Variants in PKD2L2 observed in about 807,000 individuals in gnomAD.
PKD2L2 encodes polycystin-2-like protein 2.
In PKD2L2, 67 loss-of-function variants were observed where a neutral mutation model predicts 83.9. That is an observed-to-expected ratio of 0.80 (90% CI 0.66 to 0.98). PKD2L2 has a LOEUF of 0.98. Among genes scored for constraint, PKD2L2 ranks in the 50% least tolerant of loss-of-function variants. PKD2L2 has a pLI of 0.00. For missense variants in PKD2L2, 632 were observed against 717.2 expected, an observed-to-expected ratio of 0.88 and a Z score of 1.36; for synonymous variants, 223 against 237.8, an observed-to-expected ratio of 0.94 and a Z score of 0.57.
At chr5:137,923,568 A>T in intron 10 of PKD2L2, 47 bp downstream of exon 10, 1 of 878,084 alleles carries the variant, frequency 1.1e-6, no homozygotes, top group Non-Finnish European at 2.0e-6. Context: ...CAAACCTCAT[A>T]TAGTTTATCC....
chr5:137,915,339 A>G (rs1375361958), intron 8 of PKD2L2, among the ~76,000 whole-genome samples: 2 of 152,192 alleles, frequency 1.3e-5, no homozygotes, highest in African/African-American at 4.8e-5. Flanking sequence ...AAATGTTTGT[A>G]GAATTTACCA....
rs544499625 is a variant in PKD2L2, at chr5:137,889,755, CGT to C, written c.31+234_31+235del. Among the ~76,000 whole-genome samples the C allele has an allele frequency of 6.3e-3, 958 of 152,306 alleles. 9 individuals carry two copies. Among genetic ancestry groups the C allele is most frequent in the Middle Eastern group, 0.017 (5 of 294 alleles). ...CCTCTTGCCGGAGGCTCGAGCTGGG[CGT>C]TGTCACCTGTCGAGTGACCGTCGCT... On this transcript the variant is annotated intron_variant, in intron 1 of 14. Transcript: ENST00000508883.
intron 8 of PKD2L2, among the ~76,000 whole-genome samples, chr5:137,913,869 T>C (rs2150031303): frequency 6.7e-6 from 1 of 149,904 alleles, no homozygotes; most frequent in Admixed American, 6.7e-5. Flanking sequence ...TTTTTTCTTT[T>C]CCTTTTTTTT....
Position 137,935,846 on chromosome 5 carries a change from A to G in PKD2L2, c.1721A>G (p.Lys574Arg), listed in dbSNP as rs780212279. Residue 574 changes from lysine (K) to arginine (R), a missense_variant, in exon 13 of 15, where the codon AAA (lysine) becomes AGA (arginine). Around this residue, in one of 3 missense-constraint regions of PKD2L2, gnomAD observed 399 missense variants for 416.9 expected, o/e 0.96. Transcript: ENST00000508883. Reference protein sequence around the residue: ...QMKKWKERLEKKYYSMEIQDD... With the variant: ...QMKKWKERLERKYYSMEIQDD... ...AAAAAATGGAAAGAGAGGCTTGAGA[A>G]AAAGTATTATTCTATGGAAATTCAA... 44 of 1,612,312 alleles carry G rather than the reference A, an allele frequency of 2.7e-5. No homozygotes were observed. Among genetic ancestry groups the G allele is most frequent in the Non-Finnish European group, 3.5e-5 (41 of 1,178,376 alleles).
At chr5:137,909,611 C>T (rs1052576989) in intron 8 of PKD2L2, among the ~76,000 whole-genome samples, 4 of 146,076 alleles carry the variant, frequency 2.7e-5, no homozygotes, top group African/African-American at 1.0e-4. Context: ...CTGGCGTTAT[C>T]ACAGCTCATT....
chr5:137,907,668 G>T (rs1019836992), intron 6 of PKD2L2, 74 bp from the exon 7 acceptor site: 1 of 848,488 alleles, frequency 1.2e-6, no homozygotes. Context: ...CTTTTTTTGT[G>T]TTTCCTCATA....
At chr5:137,911,571 T>C (rs961462529) in intron 8 of PKD2L2, among the ~76,000 whole-genome samples, 2 of 152,210 alleles carry the variant, frequency 1.3e-5, no homozygotes, top group African/African-American at 2.4e-5. Flanking sequence ...ATTTATGCTA[T>C]ATGGTGTGAT....
intron 8 of PKD2L2, among the ~76,000 whole-genome samples, chr5:137,919,606 T>C (rs1257656859): frequency 6.6e-6 from 1 of 152,056 alleles, no homozygotes; most frequent in East Asian, 1.9e-4. Flanking sequence ...AAATATTTGA[T>C]TTGTGGTGAG....
intron 8 of PKD2L2, among the ~76,000 whole-genome samples, chr5:137,912,644 G>A (rs1394308511): frequency 6.6e-6 from 1 of 152,042 alleles, no homozygotes; most frequent in Non-Finnish European, 1.5e-5. Context: ...TGGGATTACA[G>A]GTGTGAGCCA....
intron 14 of PKD2L2, 45 bp downstream of exon 14, chr5:137,936,472 TTG>T: frequency 6.7e-7 from 1 of 1,484,448 alleles, no homozygotes; most frequent in East Asian, 2.5e-5. Context: ...TTTTTTTTTT[TTG>T]AGACGGAGTC....
At chr5:137,904,587 G>A (rs1485563699) in intron 5 of PKD2L2, among the ~76,000 whole-genome samples, 2 of 152,088 alleles carry the variant, frequency 1.3e-5, no homozygotes, top group Non-Finnish European at 2.9e-5. Context: ...ACAGAAAAGG[G>A]GGAACAACAG....
intron 8 of PKD2L2, among the ~76,000 whole-genome samples, chr5:137,913,996 T>G (rs1010474957): frequency 6.9e-6 from 1 of 144,838 alleles, no homozygotes; most frequent in South Asian, 2.2e-4. Context: ...TTTTCTCAAG[T>G]AGCAGAGATT....
At chr5:137,908,645 A>G (rs555565663) in intron 7 of PKD2L2, 120 bp from the exon 8 acceptor site, 105 of 583,962 alleles carry the variant, frequency 1.8e-4, no homozygotes, top group African/African-American at 1.2e-3. Flanking sequence ...ATCCTCAAAC[A>G]CCCATGATTA....
At chr5:137,897,416 GC>G (rs1756577172) in intron 4 of PKD2L2, among the ~76,000 whole-genome samples, 1 of 152,040 alleles carries the variant, frequency 6.6e-6, no homozygotes, top group African/African-American at 2.4e-5. Context: ...ACAAGATAAA[GC>G]AATTATTTAC....
At chr5:137,912,726 AT>A in intron 8 of PKD2L2, among the ~76,000 whole-genome samples, 1 of 147,802 alleles carries the variant, frequency 6.8e-6, no homozygotes, top group East Asian at 2.0e-4. Context: ...TCTATTGGCC[AT>A]TTGTGTGTCT....
At chr5:137,933,066 A>AAC (rs1554110838) in intron 12 of PKD2L2, among the ~76,000 whole-genome samples, 5 of 150,936 alleles carry the variant, frequency 3.3e-5, no homozygotes, top group Non-Finnish European at 3.0e-5. Context: ...AAAAAAAAAA[A>AAC]CCCACGACCT....
intron 8 of PKD2L2, among the ~76,000 whole-genome samples, chr5:137,913,848 G>C (rs1758072846): frequency 6.6e-6 from 1 of 150,778 alleles, no homozygotes; most frequent in Non-Finnish European, 1.5e-5. Context: ...ACTGTGCCCA[G>C]CTTTTCTTTC....
At chr5:137,913,184 CTTTTTTTT>C (rs35984179) in intron 8 of PKD2L2, among the ~76,000 whole-genome samples, 27 of 104,838 alleles carry the variant, frequency 2.6e-4, no homozygotes, top group South Asian at 6.6e-4. Context: ...CTTCTTTTTT[CTTTTTTTT>C]TTTTTTTTTT....
chr5:137,898,597 G>T (rs1018809055), intron 4 of PKD2L2, among the ~76,000 whole-genome samples: 2 of 152,126 alleles, frequency 1.3e-5, no homozygotes, highest in Non-Finnish European at 2.9e-5. Context: ...ATGCTACAGT[G>T]CAGGGACTAT....
Sources: allele counts gnomAD v4.1 joint callset (sites outside exome capture counted in the v4.1 genomes callset), GRCh38; gene constraint gnomAD v4.1.1; regional missense constraint gnomAD v4.1.1; transcripts MANE v1.5; gene names NCBI Gene and HGNC (gene_info 2026-07-23, HGNC 2026-07-21).